Variants in TRPM3 observed in about 807,000 individuals in gnomAD.
TRPM3 encodes the protein transient receptor potential cation channel subfamily M member 3.
A neutral mutation model predicts 181.2 loss-of-function variants in TRPM3; 77 were observed. The observed-to-expected ratio is 0.42, with a 90% CI of 0.35 to 0.51. The LOEUF is 0.51. TRPM3 is among the 20% of genes least tolerant of loss of function. The pLI is 0.01. For missense variants in TRPM3, 1,759 were observed against 2,196.7 expected, an observed-to-expected ratio of 0.80 and a Z score of 3.98; for synonymous variants, 745 against 796.4, an observed-to-expected ratio of 0.94 and a Z score of 1.09.
chr9:71,159,864 C>A (rs921784404), intron 1 of TRPM3, among the ~76,000 whole-genome samples: 5 of 152,100 alleles, frequency 3.3e-5, no homozygotes, highest in African/African-American at 1.2e-4. Context: ...ATCACCACAG[C>A]CCTTCTAAGG....
At chr9:71,039,144 G>A (rs957545858) in intron 1 of TRPM3, among the ~76,000 whole-genome samples, 4 of 152,202 alleles carry the variant, frequency 2.6e-5, no homozygotes, top group Non-Finnish European at 5.9e-5. Flanking sequence ...GGAAGCCAGT[G>A]TGGTCAGCGT....
At position 71,088,777 on chromosome 9, in the gene TRPM3, T is replaced by TC. The variant is rs200859984; in HGVS notation, c.177+32400dup. 9.2e-5 allele frequency among the ~76,000 whole-genome samples: 13 copies of TC among 140,992 alleles called. No homozygotes were observed. The Admixed American group carries it at 9.4e-4, about 10-fold the overall frequency. The allele number at this position is 140,992 out of a possible 152,430, so 92.5% of individuals were successfully genotyped here. ...TCTGTAAATCTGCTTCATTAAACTT[T>TC]CCTTTTTTTGAAAGACTCTCCATGA... On this transcript the variant is annotated intron_variant, in intron 1 of 25. Transcript: ENST00000677713.
At chr9:71,404,320 G>A (rs1031769940) in intron 1 of TRPM3, among the ~76,000 whole-genome samples, 3 of 152,130 alleles carry the variant, frequency 2.0e-5, no homozygotes, top group Admixed American at 6.5e-5. Flanking sequence ...ATAGGTTTTC[G>A]TTAGGCAATA....
chr9:70,929,362 C>A (rs901374688), intron 1 of TRPM3, among the ~76,000 whole-genome samples: 23 of 152,094 alleles, frequency 1.5e-4, no homozygotes, highest in African/African-American at 5.3e-4. Flanking sequence ...CCACCATGCC[C>A]AGCTGATTTT....
chr9:71,295,357 A>AC (rs1373162495), intron 1 of TRPM3, among the ~76,000 whole-genome samples: 1 of 151,540 alleles, frequency 6.6e-6, no homozygotes, highest in East Asian at 1.9e-4. Flanking sequence ...CGAATGTTGA[A>AC]TATTAGAAGG....
At chr9:71,305,613 A>T (rs1016074353) in intron 1 of TRPM3, among the ~76,000 whole-genome samples, 1 of 152,190 alleles carries the variant, frequency 6.6e-6, no homozygotes, top group Non-Finnish European at 1.5e-5. Flanking sequence ...TGCTTATACA[A>T]AATTAAATTA....
intron 1 of TRPM3, among the ~76,000 whole-genome samples, chr9:70,941,168 A>G (rs1418368117): frequency 6.6e-6 from 1 of 152,164 alleles, no homozygotes; most frequent in Non-Finnish European, 1.5e-5. Flanking sequence ...TTGAGTCAGT[A>G]GACTGGGAGA....
chr9:70,671,672 T>C (rs1036491775), intron 9 of TRPM3, among the ~76,000 whole-genome samples: 6 of 152,234 alleles, frequency 3.9e-5, no homozygotes, highest in Admixed American at 3.9e-4. Context: ...TTCCAGTTTT[T>C]ATCTGCTGAA....
chr9:70,692,773 T>G (rs2068987867), intron 8 of TRPM3, among the ~76,000 whole-genome samples: 1 of 152,248 alleles, frequency 6.6e-6, no homozygotes. Flanking sequence ...GATTTTTGCT[T>G]TAGCACTTTG....
chr9:70,831,967 A>ATC (rs2093937944), intron 5 of TRPM3, among the ~76,000 whole-genome samples: 2 of 66,228 alleles, frequency 3.0e-5, no homozygotes, highest in East Asian at 3.2e-4. Context: ...CCATAAATAT[A>ATC]TATATATATA....
At chr9:71,257,303 T>C (rs73471309) in intron 1 of TRPM3, among the ~76,000 whole-genome samples, 5,605 of 152,140 alleles carry the variant, frequency 0.037, 368 homozygotes, top group African/African-American at 0.13. Flanking sequence ...GGCAAATGAC[T>C]AGATGATAGG....
rs1018156340 is a variant in TRPM3, at chr9:70,689,079, T to C, written c.1273-7501A>G. On this transcript the variant is annotated intron_variant, in intron 8 of 25. Coordinates refer to ENST00000677713, the MANE Select transcript of TRPM3 (RefSeq NM_001366145.2). ...TGGTAACATAGCAAAGTGAATGTGG[T>C]GTATTAAGCCACAGACCAAGAGTTT... is the stretch of plus-strand genomic sequence containing the variant. 3.9e-4 allele frequency among the ~76,000 whole-genome samples: 59 copies of C among 152,280 alleles called. 2 individuals carry two copies. The highest frequency in any genetic ancestry group is 1.0e-3 in the Admixed American group (16 of 15,306).
intron 1 of TRPM3, among the ~76,000 whole-genome samples, chr9:71,382,389 A>T (rs2092821586): frequency 6.6e-6 from 1 of 152,150 alleles, no homozygotes; most frequent in South Asian, 2.1e-4. Context: ...CAGGTAAAAA[A>T]AATGGAGGCT....
At chr9:71,140,095 G>A (rs903242461) in intron 1 of TRPM3, among the ~76,000 whole-genome samples, 1 of 152,150 alleles carries the variant, frequency 6.6e-6, no homozygotes, top group Non-Finnish European at 1.5e-5. Flanking sequence ...AAGACAGATA[G>A]CAGGCTGGCA....
In TRPM3 at chr9:70,538,315, T is replaced by TG. The variant is rs376264090; in HGVS notation, c.3708-911dup. ...TAAATTAAATTAACTTTTTTAGAGA[T>TG]GGGGGGGGTCTCACTTTGTTGCCCA... On this transcript the variant is annotated intron_variant, in intron 25 of 25. Transcript: ENST00000677713. Among the ~76,000 whole-genome samples the TG allele has an allele frequency of 1.5e-3, 235 of 152,018 alleles. 1 individual carries two copies. The highest frequency in any genetic ancestry group is 0.01 in the Middle Eastern group (3 of 294).
intron 1 of TRPM3, among the ~76,000 whole-genome samples, chr9:71,405,910 GAAGT>G (rs1297049267): frequency 1.3e-5 from 2 of 152,132 alleles, no homozygotes; most frequent in Non-Finnish European, 2.9e-5. Context: ...GAAATATTCA[GAAGT>G]AATAGAATAA....
At chr9:71,424,715 T>C (rs1340099097) in intron 1 of TRPM3, among the ~76,000 whole-genome samples, 1 of 152,158 alleles carries the variant, frequency 6.6e-6, no homozygotes, top group African/African-American at 2.4e-5. Context: ...GTAGATGGTA[T>C]CATTTCTTTC....
chr9:71,324,724 G>A (rs551724974), intron 1 of TRPM3, among the ~76,000 whole-genome samples: 6 of 152,002 alleles, frequency 3.9e-5, no homozygotes, highest in East Asian at 1.9e-4. Context: ...CCTAAGTGTC[G>A]ACTGGCAGAT....
At chr9:71,179,775 G>C (rs150034828) in intron 1 of TRPM3, among the ~76,000 whole-genome samples, 1 of 151,932 alleles carries the variant, frequency 6.6e-6, no homozygotes, top group Non-Finnish European at 1.5e-5. Context: ...TTTTCCATTC[G>C]GGGAATATTT....
Sources: gnomAD v4.1 joint callset for allele counts (sites outside exome capture counted in the v4.1 genomes callset) on GRCh38, gnomAD v4.1.1 for gene constraint, MANE v1.5 for transcripts, NCBI Gene and HGNC (gene_info 2026-07-23, HGNC 2026-07-21) for gene names.